Variants in RBM20 observed in about 807,000 individuals in gnomAD.
The protein encoded by RBM20 is RNA-binding protein 20.
A neutral mutation model predicts 110.1 loss-of-function variants in RBM20; 51 were observed. The ratio of observed to expected loss-of-function variants is 0.46; its 90% CI spans 0.37 to 0.59. RBM20 has a LOEUF of 0.59. Ranked by LOEUF, RBM20 falls within the 20% of genes least tolerant of loss-of-function variation. RBM20 has a pLI of 0.00. For synonymous variants in RBM20, 589 were observed against 618.2 expected (o/e 0.95, Z 0.70); for missense variants, 1,512 against 1,574.9 (o/e 0.96, Z 0.68).
chr10:110,756,584 C>T (rs1564836324), intron 1 of RBM20: 1 of 152,244 alleles, frequency 6.6e-6, no homozygotes, highest in East Asian at 1.9e-4. Flanking sequence ...CATCTGGGCT[C>T]ATGGCAGTGA....
chr10:110,835,412 A>G (rs1845113037), intron 13 of RBM20: 1 of 146,882 alleles, frequency 6.8e-6, no homozygotes, highest in Admixed American at 7.0e-5. Context: ...CTCGGTTCAC[A>G]GCAACCTCCG....
At chr10:110,811,813 G>C (rs558328677) in intron 8 of RBM20, among the ~76,000 whole-genome samples, 1 of 152,320 alleles carries the variant, frequency 6.6e-6, no homozygotes, top group South Asian at 2.1e-4. Context: ...AAATGTAGGA[G>C]TGGCTTCAAG....
chr10:110,679,698 G>T (rs1862394396), intron 1 of RBM20, among the ~76,000 whole-genome samples: 1 of 152,232 alleles, frequency 6.6e-6, no homozygotes, highest in Non-Finnish European at 1.5e-5. Flanking sequence ...CTGAAGGGCT[G>T]GGCAGGCAAA....
At chr10:110,807,179 C>A (rs181061908) in intron 7 of RBM20, among the ~76,000 whole-genome samples, 2 of 152,174 alleles carry the variant, frequency 1.3e-5, no homozygotes, top group South Asian at 4.1e-4. Context: ...TGTTAGGGAG[C>A]ACCTGCTCCA....
At chr10:110,813,423 A>G (rs1231019974) in intron 9 of RBM20, among the ~76,000 whole-genome samples, 1 of 152,208 alleles carries the variant, frequency 6.6e-6, no homozygotes, top group Non-Finnish European at 1.5e-5. Flanking sequence ...CCCTCCTGCC[A>G]GAAGCATTTA....
At chr10:110,683,182 T>G (rs1456502929) in intron 1 of RBM20, among the ~76,000 whole-genome samples, 1 of 152,248 alleles carries the variant, frequency 6.6e-6, no homozygotes, top group African/African-American at 2.4e-5. Context: ...GACCACCTTC[T>G]TGATTTCATA....
chr10:110,786,972 C>A (rs542612628), intron 5 of RBM20, among the ~76,000 whole-genome samples: 1 of 152,300 alleles, frequency 6.6e-6, no homozygotes, highest in East Asian at 1.9e-4. Context: ...ATTCTGCAGT[C>A]TGTCCCAGGC....
chr10:110,779,026 G>C (rs138133449), intron 1 of RBM20, among the ~76,000 whole-genome samples: 1 of 152,226 alleles, frequency 6.6e-6, no homozygotes, highest in Non-Finnish European at 1.5e-5. Context: ...TGAGAGCTCA[G>C]TTGAAGGGAA....
chr10:110,820,062 C>G lies in RBM20; in HGVS notation c.2551-10C>G. On this transcript the variant is annotated splice_polypyrimidine_tract_variant and intron_variant, in intron 9 of 13. Coordinates refer to ENST00000369519, the MANE Select transcript of RBM20 (RefSeq NM_001134363.3). ...GTTGATTTGGTTTGCTCTGTTCTTC[C>G]TTTGATAAGGCTGGAAAAGAGGAAC... The G allele has an allele frequency of 6.5e-7, 1 of 1,536,650 alleles. No homozygotes were observed. The highest frequency in any genetic ancestry group is 8.8e-7 in the Non-Finnish European group (1 of 1,136,552).
chr10:110,808,908 T>G (rs547680565), intron 7 of RBM20, among the ~76,000 whole-genome samples: 1 of 152,242 alleles, frequency 6.6e-6, no homozygotes, highest in South Asian at 2.1e-4. Context: ...TTTTTAACAT[T>G]TGTATGGCTC....
chr10:110,768,450 G>T (rs1015042403), intron 1 of RBM20, among the ~76,000 whole-genome samples: 4 of 152,184 alleles, frequency 2.6e-5, no homozygotes, highest in African/African-American at 9.7e-5. Flanking sequence ...TCAATAAATA[G>T]TTATATGGCT....
intron 1 of RBM20, among the ~76,000 whole-genome samples, chr10:110,773,590 A>C (rs1393172215): frequency 1.3e-5 from 2 of 152,242 alleles, no homozygotes; most frequent in Non-Finnish European, 2.9e-5. Flanking sequence ...CAAAGAAATA[A>C]AAATGGTTCA....
At chr10:110,713,456 A>G (rs1862969592) in intron 1 of RBM20, among the ~76,000 whole-genome samples, 1 of 152,210 alleles carries the variant, frequency 6.6e-6, no homozygotes, top group Non-Finnish European at 1.5e-5. Flanking sequence ...AACCCTGACT[A>G]GGATAAATCA....
At chr10:110,804,963 T>C (rs913084420) in intron 7 of RBM20, among the ~76,000 whole-genome samples, 4 of 152,176 alleles carry the variant, frequency 2.6e-5, no homozygotes, top group African/African-American at 9.7e-5. Context: ...TTCAGAGCCA[T>C]TGGTCTTGCC....
Position 110,781,918 on chromosome 10 carries a change from T to C in RBM20, c.1275+34T>C, listed in dbSNP as rs61862866. The C allele has an allele frequency of 0.28, 431,470 of 1,550,736 alleles. 64,477 individuals are homozygous for C. Among genetic ancestry groups the C allele is most frequent in the Non-Finnish European group, 0.31 (355,290 of 1,146,378 alleles). On this transcript the variant is annotated intron_variant, in intron 2 of 13. Transcript: ENST00000369519. ...TCCAAGACAGGCTGGGAGCCACAGC[T>C]AGAAGCCTGGGCAGGCCTTTCCCCA...
chr10:110,664,662 G>A (rs920247986), intron 1 of RBM20, among the ~76,000 whole-genome samples: 1 of 152,042 alleles, frequency 6.6e-6, no homozygotes, highest in African/African-American at 2.4e-5. Flanking sequence ...CATGAGAATC[G>A]CTTGAACCTG....
intron 6 of RBM20, 116 bp downstream of exon 6, chr10:110,797,764 G>A (rs1844570933): frequency 8.9e-7 from 1 of 1,128,098 alleles, no homozygotes; most frequent in South Asian, 1.6e-5. Context: ...TGCCGTAGCT[G>A]GCCTTCTGTT....
intron 1 of RBM20, among the ~76,000 whole-genome samples, chr10:110,673,445 C>T (rs942014316): frequency 6.6e-6 from 1 of 152,158 alleles, no homozygotes; most frequent in African/African-American, 2.4e-5. Context: ...CTCCTGACCT[C>T]GTGATCCACC....
chr10:110,702,609 G>A (rs58672649), intron 1 of RBM20, among the ~76,000 whole-genome samples: 4,012 of 152,352 alleles, frequency 0.026, 159 homozygotes, highest in African/African-American at 0.088. Context: ...GATGTGTCAT[G>A]CTTTCCCCTG....
Sources: gnomAD v4.1 joint callset for allele counts (sites outside exome capture counted in the v4.1 genomes callset) on GRCh38, gnomAD v4.1.1 for gene constraint, MANE v1.5 for transcripts, NCBI Gene and HGNC (gene_info 2026-07-23, HGNC 2026-07-21) for gene names.